ADCY2: variants seen among roughly 807,000 people sequenced by gnomAD.
The protein encoded by ADCY2 is adenylate cyclase type 2.
ADCY2 carries 31 observed loss-of-function variants against 125.2 expected under a neutral mutation model. That is an observed-to-expected ratio of 0.25 (90% CI 0.19 to 0.33). ADCY2 has a LOEUF of 0.33. Among genes scored for constraint, ADCY2 ranks in the 10% least tolerant of loss-of-function variants. The pLI is 1.00. For missense variants in ADCY2, 904 were observed against 1,418.2 expected (o/e 0.64, Z 5.82); for synonymous variants, 512 against 548.4 (o/e 0.93, Z 0.93).
intron 3 of ADCY2, among the ~76,000 whole-genome samples, chr5:7,598,623 A>T (rs190994570): frequency 7.9e-5 from 12 of 152,322 alleles, no homozygotes; most frequent in Non-Finnish European, 1.5e-4. Flanking sequence ...TTGCTGGAGA[A>T]TTCGAGGCAG....
At chr5:7,448,133 A>C (rs1367479035) in intron 2 of ADCY2, among the ~76,000 whole-genome samples, 4 of 152,136 alleles carry the variant, frequency 2.6e-5, no homozygotes, top group African/African-American at 9.7e-5. Flanking sequence ...GGCTTCTTCT[A>C]ATCCCACAAG....
At chr5:7,803,761 A>G (rs1382160729) in intron 21 of ADCY2, among the ~76,000 whole-genome samples, 1 of 151,980 alleles carries the variant, frequency 6.6e-6, no homozygotes, top group Admixed American at 6.6e-5. Context: ...TTAGCTGCAC[A>G]TGGTAGTGTA....
chr5:7,476,203 T>A (rs915913578), intron 2 of ADCY2, among the ~76,000 whole-genome samples: 10 of 151,840 alleles, frequency 6.6e-5, no homozygotes, highest in Admixed American at 2.0e-4. Flanking sequence ...CCATATTTAG[T>A]AGGAGACGTC....
intron 4 of ADCY2, among the ~76,000 whole-genome samples, chr5:7,651,548 T>C (rs932969961): frequency 3.3e-5 from 5 of 152,188 alleles, no homozygotes; most frequent in African/African-American, 1.2e-4. Flanking sequence ...CAGTCTAGTC[T>C]TTCCATGCTC....
chr5:7,665,275 C>T (rs1159740446), intron 4 of ADCY2, among the ~76,000 whole-genome samples: 1 of 152,174 alleles, frequency 6.6e-6, no homozygotes, highest in Non-Finnish European at 1.5e-5. Flanking sequence ...GCAGTGATCA[C>T]AGCTGCCGCC....
At chr5:7,443,672 A>C (rs1004659132) in intron 2 of ADCY2, among the ~76,000 whole-genome samples, 3 of 144,628 alleles carry the variant, frequency 2.1e-5, no homozygotes, top group Non-Finnish European at 4.5e-5. Context: ...AAAAAAAAGG[A>C]TACGTATGTG....
intron 4 of ADCY2, among the ~76,000 whole-genome samples, chr5:7,644,167 T>C (rs1738809569): frequency 4.6e-5 from 7 of 152,146 alleles, no homozygotes; most frequent in Admixed American, 4.6e-4. Context: ...TTTTCTTTTT[T>C]GTCTTTCCTC....
At chr5:7,773,221 G>T in intron 18 of ADCY2, 120 bp downstream of exon 18, 1 of 1,098,994 alleles carries the variant, frequency 9.1e-7, no homozygotes, top group Non-Finnish European at 1.3e-6. Flanking sequence ...CATTCTGAGA[G>T]AATTTCTTTG....
rs372373069 is a variant in ADCY2 at position 7,414,681 on chromosome 5, C to A, written c.319C>A (p.Arg107Ser). 1 of 1,613,796 alleles carries A rather than the reference C, an allele frequency of 6.2e-7. No homozygotes were observed. ...CIESVFKKLL[R>S]LFSLVIWICL... The stretch of plus-strand genomic sequence containing the variant: ...CGAGTCTGTGTTTAAGAAGCTGCTG[C>A]GCCTCTTCTCGTTGGTGATATGGAT... Residue 107 changes from arginine (R) to serine (S), a missense_variant, in exon 2 of 25, where the codon CGC becomes AGC. Arg to Ser is a moderately radical substitution (Grantham distance 110, BLOSUM62 -1). Coordinates refer to ENST00000338316, the MANE Select transcript of ADCY2 (RefSeq NM_020546.3).
chr5:7,467,912 T>C lies in ADCY2; in HGVS notation c.409-52826T>C, dbSNP rs189005555. Among the ~76,000 whole-genome samples the C allele has an allele frequency of 1.2e-3, 185 of 152,320 alleles. 2 individuals are homozygous for C. In the East Asian group the frequency reaches 0.031, roughly 26 times the overall value. ...AGAGAAGTCCAGGTAAGAATGAATGTAGATTAACAAAAATATCGCCACTTT... is the reference window on the plus strand; with the variant it reads ...AGAGAAGTCCAGGTAAGAATGAATGCAGATTAACAAAAATATCGCCACTTT... On this transcript the variant is annotated intron_variant, in intron 2 of 24. Coordinates refer to ENST00000338316, the MANE Select transcript of ADCY2 (RefSeq NM_020546.3).
chr5:7,486,886 A>G (rs1742953525), intron 2 of ADCY2, among the ~76,000 whole-genome samples: 1 of 152,136 alleles, frequency 6.6e-6, no homozygotes, highest in Admixed American at 6.5e-5. Flanking sequence ...ATAAAGTGGC[A>G]TGTGCGTTGG....
chr5:7,618,361 G>A (rs1208535833), intron 3 of ADCY2, among the ~76,000 whole-genome samples: 4 of 152,122 alleles, frequency 2.6e-5, no homozygotes, highest in African/African-American at 4.8e-5. Flanking sequence ...TATAAATGGG[G>A]CTATAGGTAG....
chr5:7,628,300 C>T (rs2126660249), intron 4 of ADCY2, among the ~76,000 whole-genome samples: 1 of 152,252 alleles, frequency 6.6e-6, no homozygotes, highest in Middle Eastern at 3.4e-3. Context: ...ACTAAAGCTA[C>T]AGAGAACAGA....
chr5:7,530,161 T>G (rs1734594353), intron 3 of ADCY2, among the ~76,000 whole-genome samples: 1 of 152,232 alleles, frequency 6.6e-6, no homozygotes, highest in Non-Finnish European at 1.5e-5. Flanking sequence ...TTAGATGTGA[T>G]GACCTCTAAA....
intron 24 of ADCY2, among the ~76,000 whole-genome samples, chr5:7,826,341 A>G (rs1745477553): frequency 6.6e-6 from 1 of 152,004 alleles, no homozygotes; most frequent in Non-Finnish European, 1.5e-5. Flanking sequence ...ACTCTCTTTC[A>G]TCCAGGTCTC....
intron 2 of ADCY2, among the ~76,000 whole-genome samples, chr5:7,519,248 C>A (rs1744358508): frequency 6.6e-6 from 1 of 152,140 alleles, no homozygotes; most frequent in Non-Finnish European, 1.5e-5. Flanking sequence ...CTGGTTTTCT[C>A]CCAGGCTTCC....
chr5:7,712,964 A>G lies in ADCY2; in HGVS notation c.1622+65A>G, dbSNP rs973840482. Reference sequence around the variant, plus strand: ...TCTTTATTCATTTCTGAGAGTAATTATCATCAATTATGGTAATTTCAAGGG... The same window carrying G: ...TCTTTATTCATTTCTGAGAGTAATTGTCATCAATTATGGTAATTTCAAGGG... On this transcript the variant is annotated intron_variant, in intron 11 of 24. Transcript: ENST00000338316. 6 of 1,217,790 alleles carry G rather than the reference A, an allele frequency of 4.9e-6. No individual in the cohort carries two copies. The African/African-American group carries it at 6.0e-5, about 12-fold the overall frequency. The allele number at this position is 1,217,790 out of a possible 1,614,324, so 75.4% of individuals were successfully genotyped here. A position where few individuals can be genotyped will look rare whatever the true frequency, so the allele number is the denominator to read the frequency against.
chr5:7,783,772 A>G (rs1743995929), intron 18 of ADCY2, among the ~76,000 whole-genome samples: 1 of 152,210 alleles, frequency 6.6e-6, no homozygotes, highest in Admixed American at 6.5e-5. Context: ...GTGCAGTGAC[A>G]TCTTGGCAGG....
At chr5:7,404,341 T>G (rs1307976387) in intron 1 of ADCY2, among the ~76,000 whole-genome samples, 1 of 152,228 alleles carries the variant, frequency 6.6e-6, no homozygotes, top group East Asian at 1.9e-4. Flanking sequence ...TTTTTATCTT[T>G]ATTATCTCCT....
Sources: gnomAD v4.1 joint callset for allele counts (sites outside exome capture counted in the v4.1 genomes callset) on GRCh38, gnomAD v4.1.1 for gene constraint, MANE v1.5 for transcripts, NCBI Gene and HGNC (gene_info 2026-07-23, HGNC 2026-07-21) for gene names.